Variants in P3H2 observed in about 807,000 individuals in gnomAD.
P3H2 encodes leprecan-like 1.
In P3H2, 80 loss-of-function variants were observed where a neutral mutation model predicts 87.0. The observed-to-expected ratio is 0.92, with a 90% CI of 0.77 to 1.11. The LOEUF (loss-of-function observed/expected upper bound fraction) is 1.11, where lower values mean the gene tolerates loss of function less well. P3H2 is among the 50% of genes least tolerant of loss of function. The probability of loss-of-function intolerance (pLI) is 0.00; values close to 1 mark genes in which losing one functional copy is unlikely to be tolerated. For missense variants in P3H2, 1,001 were observed against 923.9 expected (o/e 1.08, Z -1.08); for synonymous variants, 367 against 359.3 (o/e 1.02, Z -0.24).
intron 1 of P3H2, among the ~76,000 whole-genome samples, chr3:190,111,367 A>G (rs1157061369): frequency 2.0e-5 from 3 of 152,160 alleles, no homozygotes; most frequent in African/African-American, 7.2e-5. Flanking sequence ...CTTGGATTCT[A>G]ACCCTGGTCC....
At chr3:190,074,421 G>A (rs1726802350) in intron 1 of P3H2, among the ~76,000 whole-genome samples, 1 of 152,114 alleles carries the variant, frequency 6.6e-6, no homozygotes, top group Non-Finnish European at 1.5e-5. Context: ...TGAGGCAGGA[G>A]AATCACTTGA....
chr3:190,116,741 T>C (rs1001133193), intron 1 of P3H2: 1 of 152,180 alleles, frequency 6.6e-6, no homozygotes, highest in Non-Finnish European at 1.5e-5. Flanking sequence ...AGCTATATAT[T>C]ACGTCTTAGG....
intron 1 of P3H2, among the ~76,000 whole-genome samples, chr3:190,096,708 T>C (rs1727599212): frequency 6.6e-6 from 1 of 152,190 alleles, no homozygotes; most frequent in Non-Finnish European, 1.5e-5. Flanking sequence ...CACACCCACC[T>C]TCTTCCATGC....
chr3:190,076,736 A>C (rs1314049049), intron 1 of P3H2, among the ~76,000 whole-genome samples: 5 of 152,222 alleles, frequency 3.3e-5, no homozygotes, highest in Non-Finnish European at 5.9e-5. Context: ...GCTTGGTGGA[A>C]ACAGGGATTA....
At chr3:189,980,943 T>C (rs1723513856) in intron 8 of P3H2, among the ~76,000 whole-genome samples, 1 of 152,146 alleles carries the variant, frequency 6.6e-6, no homozygotes, top group African/African-American at 2.4e-5. Flanking sequence ...GGAAAGGAGT[T>C]TGGGGCCTGC....
intron 1 of P3H2, among the ~76,000 whole-genome samples, chr3:190,002,380 G>T (rs141567981): frequency 6.6e-6 from 1 of 151,520 alleles, no homozygotes; most frequent in Non-Finnish European, 1.5e-5. Flanking sequence ...ATATTATGTT[G>T]GGTTTCTTTC....
rs929239328 is a variant in P3H2, at chr3:190,088,788, A to C, written c.480+31464T>G. On this transcript the variant is annotated intron_variant, in intron 1 of 14. Coordinates refer to ENST00000319332, the MANE Select transcript of P3H2 (RefSeq NM_018192.4). ...GAGATTAATTCTGATTAAAATGAAA[A>C]ATTTTATGTAGCATTTTTATATATA... is the stretch of plus-strand genomic sequence containing the variant. Among the ~76,000 whole-genome samples, 8 of 152,294 alleles carry C rather than the reference A, an allele frequency of 5.3e-5. No individual in the cohort carries two copies. In the East Asian group the frequency reaches 1.4e-3, roughly 26 times the overall value.
chr3:190,012,751 T>C (rs1453614192), intron 1 of P3H2, among the ~76,000 whole-genome samples: 4 of 152,178 alleles, frequency 2.6e-5, no homozygotes, highest in Non-Finnish European at 4.4e-5. Flanking sequence ...TCTCTGGTAG[T>C]ATTATAATCA....
chr3:190,115,427 G>GAAAAAAAAAAAAAA (rs560968411), intron 1 of P3H2, among the ~76,000 whole-genome samples: 1 of 112,078 alleles, frequency 8.9e-6, no homozygotes. Flanking sequence ...AAAAGTGGGA[G>GAAAAAAAAAAAAAA]AAAAAAAAAA....
intron 1 of P3H2, among the ~76,000 whole-genome samples, chr3:190,028,278 T>C (rs933178388): frequency 1.3e-5 from 2 of 152,146 alleles, no homozygotes; most frequent in African/African-American, 4.8e-5. Flanking sequence ...TGGGGAATAA[T>C]TTTTAGGCTG....
At chr3:189,977,073 C>G (rs934603119) in intron 8 of P3H2, among the ~76,000 whole-genome samples, 1 of 152,116 alleles carries the variant, frequency 6.6e-6, no homozygotes, top group African/African-American at 2.4e-5. Flanking sequence ...TCTCTCCCTC[C>G]CCGACTCCCC....
intron 1 of P3H2, among the ~76,000 whole-genome samples, chr3:190,033,408 A>G (rs2108948829): frequency 6.6e-6 from 1 of 152,328 alleles, no homozygotes; most frequent in African/African-American, 2.4e-5. Context: ...ATAGAGAGAA[A>G]TCTGTGAAAG....
intron 1 of P3H2, among the ~76,000 whole-genome samples, chr3:190,095,319 T>C (rs1412969923): frequency 9.0e-6 from 1 of 110,564 alleles, no homozygotes; most frequent in Non-Finnish European, 2.0e-5. Flanking sequence ...TATATATATA[T>C]ATATATATAT....
chr3:190,064,244 C>A (rs1403369836), intron 1 of P3H2, among the ~76,000 whole-genome samples: 1 of 151,604 alleles, frequency 6.6e-6, no homozygotes, highest in Non-Finnish European at 1.5e-5. Context: ...AAATCCTGAG[C>A]TCAAGTGATT....
intron 11 of P3H2, 91 bp from the exon 12 acceptor site, chr3:189,972,098 G>A: frequency 1.2e-6 from 1 of 826,464 alleles, no homozygotes; most frequent in Non-Finnish European, 2.1e-6. Flanking sequence ...CAGTCCTGAT[G>A]ATCTTTGCAA....
At chr3:190,036,542 TA>T (rs986677999) in intron 1 of P3H2, among the ~76,000 whole-genome samples, 1 of 152,062 alleles carries the variant, frequency 6.6e-6, no homozygotes, top group Admixed American at 6.6e-5. Context: ...ATCTCCATTT[TA>T]AAAAAAATTA....
chr3:190,006,003 G>A (rs188127535), intron 1 of P3H2, among the ~76,000 whole-genome samples: 1 of 152,196 alleles, frequency 6.6e-6, no homozygotes, highest in African/African-American at 2.4e-5. Context: ...CCTTCAGGCT[G>A]TACAGTATAT....
At chr3:189,964,398 G>A (rs1722911400) in intron 13 of P3H2, among the ~76,000 whole-genome samples, 1 of 152,162 alleles carries the variant, frequency 6.6e-6, no homozygotes, top group Non-Finnish European at 1.5e-5. Flanking sequence ...TTCAAAGAAG[G>A]CAAAGTTTTC....
At chr3:189,966,945 T>C (rs1327648669) in intron 13 of P3H2, among the ~76,000 whole-genome samples, 2 of 152,198 alleles carry the variant, frequency 1.3e-5, no homozygotes, top group Non-Finnish European at 2.9e-5. Flanking sequence ...AACTTCCAGA[T>C]TTTTCCAAAG....
Sources: gnomAD v4.1 joint callset for allele counts (sites outside exome capture counted in the v4.1 genomes callset) on GRCh38, gnomAD v4.1.1 for gene constraint, MANE v1.5 for transcripts, NCBI Gene and HGNC (gene_info 2026-07-23, HGNC 2026-07-21) for gene names.